BIN2: variants seen among roughly 807,000 people sequenced by gnomAD.
BIN2 encodes bridging integrator 2.
BIN2 carries 43 observed loss-of-function variants against 67.9 expected under a neutral mutation model. The ratio of observed to expected loss-of-function variants is 0.63; its 90% CI spans 0.50 to 0.82. The LOEUF is 0.82. Among genes scored for constraint, BIN2 ranks in the 40% least tolerant of loss-of-function variants. BIN2 has a pLI of 0.00. For missense variants in BIN2, 581 were observed against 671.6 expected, an observed-to-expected ratio of 0.87 and a Z score of 1.49; for synonymous variants, 244 against 246.8, an observed-to-expected ratio of 0.99 and a Z score of 0.11.
intron 11 of BIN2, among the ~76,000 whole-genome samples, chr12:51,285,719 G>T (rs1945221498): frequency 6.6e-6 from 1 of 150,974 alleles, no homozygotes; most frequent in Non-Finnish European, 1.5e-5. Flanking sequence ...CACCTCCCAG[G>T]TTCAAGCGAT....
In BIN2 at chr12:51,303,428, C is replaced by T. The variant is rs150846919; in HGVS notation, c.163-287G>A. On this transcript the variant is annotated intron_variant, in intron 2 of 12. Coordinates refer to ENST00000615107, the MANE Select transcript of BIN2 (RefSeq NM_016293.4). ...GTTCCACTGTTGAAAGGTAAGTGTTCTCCATGTAACACTATCTATGCAATT... is the reference window on the plus strand; with the variant it reads ...GTTCCACTGTTGAAAGGTAAGTGTTTTCCATGTAACACTATCTATGCAATT... Among the ~76,000 whole-genome samples, 414 of 152,298 alleles carry T rather than the reference C, an allele frequency of 2.7e-3. 5 individuals are homozygous for T. The highest frequency in any genetic ancestry group is 9.6e-3 in the African/African-American group (398 of 41,564).
chr12:51,322,160 G>A (rs1946299132), intron 1 of BIN2, among the ~76,000 whole-genome samples: 1 of 152,196 alleles, frequency 6.6e-6, no homozygotes, highest in Admixed American at 6.5e-5. Context: ...TGAGTCTAAT[G>A]TGACAGCTTT....
At chr12:51,283,992 T>TCAA (rs1555168934) in intron 12 of BIN2, among the ~76,000 whole-genome samples, 2 of 18,518 alleles carry the variant, frequency 1.1e-4, no homozygotes, top group Non-Finnish European at 4.7e-4. Flanking sequence ...AAACTCCGTC[T>TCAA]CAAAAAAAAA....
chr12:51,291,584 C>T lies in BIN2; in HGVS notation c.1515+7G>A. ...TAAATTAAATACCCAACCAGAACTA[C>T]TCTTACCTGAGATGTCATTAAGGTG... is the stretch of plus-strand genomic sequence containing the variant. On this transcript the variant is annotated splice_region_variant and intron_variant, in intron 10 of 12. Coordinates refer to ENST00000615107, the MANE Select transcript of BIN2 (RefSeq NM_016293.4). 1 of 1,586,512 alleles carries T rather than the reference C, an allele frequency of 6.3e-7. No homozygotes were observed. Among genetic ancestry groups the T allele is most frequent in the East Asian group, 2.2e-5 (1 of 44,786 alleles).
At chr12:51,311,208 T>C (rs1279302503) in intron 2 of BIN2, among the ~76,000 whole-genome samples, 1 of 150,324 alleles carries the variant, frequency 6.7e-6, no homozygotes, top group African/African-American at 2.4e-5. Context: ...TGCACCACCA[T>C]GCCCAGCTAA....
upstream of BIN2, chr12:51,324,514 A>G: frequency 6.5e-7 from 1 of 1,531,372 alleles, no homozygotes; most frequent in Non-Finnish European, 8.7e-7. Context: ...AGGACCTACC[A>G]TATCGAAAAC....
intron 1 of BIN2, among the ~76,000 whole-genome samples, chr12:51,321,156 TGG>T: frequency 6.6e-6 from 1 of 152,048 alleles, no homozygotes; most frequent in East Asian, 1.9e-4. Context: ...CAGCAGGAAG[TGG>T]GGGAGGCACA....
intron 9 of BIN2, among the ~76,000 whole-genome samples, chr12:51,295,245 C>A (rs1195416672): frequency 6.6e-6 from 1 of 151,746 alleles, no homozygotes; most frequent in Admixed American, 6.6e-5. Flanking sequence ...ATTGTCTGGC[C>A]TTGAAATATT....
Position 51,302,070 on chromosome 12 carries a change from G to A in BIN2, c.358C>T (p.Gln120Ter), listed in dbSNP as rs748291125. The change falls in exon 5 of 13, where the codon CAG (glutamine) becomes TAG (stop). Residue 120 changes from glutamine to a stop codon, truncating the protein, a stop_gained. Transcript: ENST00000615107. LOFTEE classifies it high-confidence loss of function. The part of the protein sequence containing the change: ...WEDYEEKLAD[Q>*]AVRTMEIYVA... ...TAGATTTCCATGGTCCTTACAGCCT[G>A]GTCAGCCAGTTTCTCCTCGTAGTCT... The A allele has an allele frequency of 6.2e-7, 1 of 1,613,634 alleles. No homozygotes were observed. Among genetic ancestry groups the A allele is most frequent in the Non-Finnish European group, 8.5e-7 (1 of 1,179,618 alleles).
At position 51,302,661 on chromosome 12, in the gene BIN2, G is replaced by A. The variant is rs375565562; in HGVS notation, c.312+25C>T. ...TGCAAACAGGAGTAAGTGCCAATAA[G>A]TTGTAAAACTCAAGCCACTCTTACC... On this transcript the variant is annotated intron_variant, in intron 4 of 12. Coordinates refer to ENST00000615107, the MANE Select transcript of BIN2 (RefSeq NM_016293.4). 2.5e-6 allele frequency: 4 copies of A among 1,578,964 alleles called. No homozygotes were observed. In the African/African-American group the frequency reaches 4.1e-5, roughly 16 times the overall value.
chr12:51,319,517 A>C (rs1365742098), intron 1 of BIN2, among the ~76,000 whole-genome samples: 3 of 152,210 alleles, frequency 2.0e-5, no homozygotes, highest in Admixed American at 1.3e-4. Context: ...CTTTTGGATC[A>C]CTTCCTAATG....
chr12:51,313,184 GAGGAAGGA>G lies in BIN2; in HGVS notation c.162+631_162+638del, dbSNP rs534447282. On this transcript the variant is annotated intron_variant, in intron 2 of 12. Transcript: ENST00000615107. ...ACCTGGAAGGTTGAGGTTGCAGTGA[GAGGAAGGA>G]AGGAAGGAAGGAAGGAAGGAAGGAA... Among the ~76,000 whole-genome samples, 384 of 113,840 alleles carry G rather than the reference GAGGAAGGA, an allele frequency of 3.4e-3. 2 individuals carry two copies. Among genetic ancestry groups the G allele is most frequent in the African/African-American group, 0.012 (344 of 27,866 alleles). The allele number at this position is 113,840 out of a possible 152,430, so 74.7% of individuals were successfully genotyped here.
rs151019240 is a variant in BIN2, at chr12:51,302,007, GT to G, written c.408+12del. 150,949 of 1,589,416 alleles carry G rather than the reference GT, an allele frequency of 0.095. 7,614 individuals carry two copies. Among genetic ancestry groups the G allele is most frequent in the Non-Finnish European group, 0.11 (121,838 of 1,157,834 alleles). On this transcript the variant is annotated intron_variant, in intron 5 of 12. Transcript: ENST00000615107. ...TCATCCACAACCCAGCCTTGATTCT[GT>G]ACATTGAGTACCTTAATTTCACTGA...
At chr12:51,324,213 G>T (rs917425686), upstream of BIN2, 7 of 1,494,396 alleles carry the variant, frequency 4.7e-6, no homozygotes, top group Non-Finnish European at 6.2e-6. Context: ...CCCCAGCCCT[G>T]AGCCACCTCA....
intron 2 of BIN2, among the ~76,000 whole-genome samples, chr12:51,307,610 G>A (rs1945904667): frequency 6.6e-6 from 1 of 151,850 alleles, no homozygotes; most frequent in Non-Finnish European, 1.5e-5. Flanking sequence ...TTAGGAGGCT[G>A]AGGCAGGAGA....
In BIN2 at chr12:51,292,352, A is replaced by G; in HGVS notation, c.762-8T>C. ...AAAGAGCGCCTGCTGCTGCTAAAAA[A>G]GGAAGGTGTTCAGATTCAGAACGGC... is the stretch of plus-strand genomic sequence containing the variant. On this transcript the variant is annotated splice_polypyrimidine_tract_variant and splice_region_variant and intron_variant, in intron 9 of 12. Coordinates refer to ENST00000615107, the MANE Select transcript of BIN2 (RefSeq NM_016293.4). The G allele has an allele frequency of 6.4e-7, 1 of 1,561,876 alleles. No homozygotes were observed. Among genetic ancestry groups the G allele is most frequent in the Non-Finnish European group, 8.6e-7 (1 of 1,159,922 alleles).
chr12:51,320,802 G>GAGGAGAAGACCAACAA (rs1946250984), intron 1 of BIN2, among the ~76,000 whole-genome samples: 1 of 149,316 alleles, frequency 6.7e-6, no homozygotes, highest in Admixed American at 6.6e-5. Flanking sequence ...GATGTCAACA[G>GAGGAGAAGACCAACAA]AGGAGAAGAC....
intron 7 of BIN2, among the ~76,000 whole-genome samples, chr12:51,297,944 T>C (rs973160668): frequency 6.6e-6 from 1 of 152,306 alleles, no homozygotes; most frequent in African/African-American, 2.4e-5. Context: ...TTAAAGAAAC[T>C]GTATTAAATT....
intron 2 of BIN2, among the ~76,000 whole-genome samples, chr12:51,307,654 G>C (rs1348694609): frequency 1.3e-5 from 2 of 151,142 alleles, no homozygotes; most frequent in Non-Finnish European, 2.9e-5. Flanking sequence ...AGGTTGCAGT[G>C]AGCTGGGATT....
Sources: allele counts gnomAD v4.1 joint callset (sites outside exome capture counted in the v4.1 genomes callset), GRCh38; gene constraint gnomAD v4.1.1; transcripts MANE v1.5; gene names NCBI Gene and HGNC (gene_info 2026-07-23, HGNC 2026-07-21).